Variants in APBA2 observed in about 807,000 individuals in gnomAD.
APBA2 encodes the protein amyloid beta precursor protein binding family A member 2.
Under a neutral mutation model 75.0 loss-of-function variants are expected in APBA2, and 30 were observed. That is an observed-to-expected ratio of 0.40 (90% CI 0.30 to 0.54). APBA2 has a LOEUF of 0.54. Among genes scored for constraint, APBA2 ranks in the 20% least tolerant of loss-of-function variants. The pLI, the probability that APBA2 is intolerant of heterozygous loss-of-function variation, is 0.49. For synonymous variants in APBA2, 444 were observed against 409.6 expected (o/e 1.08, Z -1.01); for missense variants, 801 against 1,016.1 (o/e 0.79, Z 2.88).
rs1172982230 is a variant in APBA2 at position 29,054,237 on chromosome 15, G to A, written c.353G>A (p.Gly118Glu). 6.2e-7 allele frequency: 1 copy of A among 1,614,160 alleles called. No individual in the cohort carries two copies. Among genetic ancestry groups the A allele is most frequent in the Admixed American group, 1.7e-5 (1 of 60,026 alleles). ...DSYLEGMDCN[G>E]EEYLAHSAHP... is the part of the protein sequence containing the mutation. ...TACCTAGAGGGCATGGACTGCAACGGGGAGGAGTACCTGGCCCACAGTGCA... is the reference window on the plus strand; with the variant it reads ...TACCTAGAGGGCATGGACTGCAACGAGGAGGAGTACCTGGCCCACAGTGCA... The change falls in exon 4 of 15, where the codon GGG becomes GAG. Residue 118 changes from glycine (G) to glutamate (E), a missense_variant. Around this residue, in one of 2 missense-constraint regions of APBA2, gnomAD observed 434 missense variants for 471.6 expected, o/e 0.92. Coordinates refer to ENST00000683413, the MANE Select transcript of APBA2 (RefSeq NM_001353788.2). This position sits in a 1 kb window ranked among gnomAD's most constrained non-coding sequence, Gnocchi z 6.1.
At chr15:28,935,069 G>T (rs1006524295) in intron 2 of APBA2, among the ~76,000 whole-genome samples, 1 of 152,118 alleles carries the variant, frequency 6.6e-6, no homozygotes. Flanking sequence ...TGTTGTAAGA[G>T]AAAAAAGCAG....
chr15:28,899,542 C>T (rs954205945), intron 1 of APBA2, among the ~76,000 whole-genome samples: 7 of 152,212 alleles, frequency 4.6e-5, no homozygotes, highest in African/African-American at 1.7e-4. Context: ...GCGTTGCAGC[C>T]GGTTGGAGGC....
At chr15:29,090,539 C>G (rs1264452012) in intron 6 of APBA2, among the ~76,000 whole-genome samples, 2 of 152,212 alleles carry the variant, frequency 1.3e-5, no homozygotes. Flanking sequence ...GGGCTGGCCT[C>G]CCAGCCTCCC....
At chr15:28,903,114 A>G (rs908943325) in intron 1 of APBA2, among the ~76,000 whole-genome samples, 1 of 152,152 alleles carries the variant, frequency 6.6e-6, no homozygotes, top group African/African-American at 2.4e-5. Flanking sequence ...GGTGCCGGCC[A>G]GGTTCCATGG....
At chr15:28,940,286 G>T (rs1353824437) in intron 2 of APBA2, among the ~76,000 whole-genome samples, 1 of 149,198 alleles carries the variant, frequency 6.7e-6, no homozygotes, top group Non-Finnish European at 1.5e-5. Flanking sequence ...GCCGAGGCAG[G>T]TGGATCATGA....
chr15:29,055,584 T>A (rs921564175), intron 4 of APBA2, among the ~76,000 whole-genome samples: 12 of 152,170 alleles, frequency 7.9e-5, no homozygotes, highest in African/African-American at 2.9e-4. Context: ...GAACTTCTAT[T>A]TGGCCAATTA....
rs1293371768 is a variant in APBA2, at chr15:29,057,881, C to T, written c.951+3046C>T. ...GCCGTACATCAACGTTGACCATTTC[C>T]CCTCGATGACCTTGCCTAATTGTTT... On this transcript the variant is annotated intron_variant, in intron 4 of 14. Transcript: ENST00000683413. Among the ~76,000 whole-genome samples, 3 of 152,110 alleles carry T rather than the reference C, an allele frequency of 2.0e-5. No homozygotes were observed. The East Asian group carries it at 5.8e-4, about 29-fold the overall frequency.
At chr15:28,986,285 A>G (rs2037924167) in intron 2 of APBA2, among the ~76,000 whole-genome samples, 1 of 152,136 alleles carries the variant, frequency 6.6e-6, no homozygotes, top group South Asian at 2.1e-4. Context: ...GAGCCCATTC[A>G]GGTGTAGGAC....
chr15:29,000,565 GT>G (rs1320637708), intron 3 of APBA2, among the ~76,000 whole-genome samples: 1 of 152,032 alleles, frequency 6.6e-6, no homozygotes, highest in Non-Finnish European at 1.5e-5. Context: ...AGGTGCTTCT[GT>G]TTGTCTCTTC....
intron 4 of APBA2, among the ~76,000 whole-genome samples, chr15:29,062,696 C>T (rs2042182532): frequency 6.6e-6 from 1 of 152,178 alleles, no homozygotes; most frequent in South Asian, 2.1e-4. Flanking sequence ...GCATGTAAAG[C>T]TCTCCCACTA....
At chr15:29,103,556 C>G (rs542180784) in intron 10 of APBA2, among the ~76,000 whole-genome samples, 1 of 152,334 alleles carries the variant, frequency 6.6e-6, no homozygotes, top group African/African-American at 2.4e-5. Context: ...GGGGAGGCGG[C>G]GGCTGGCGGC....
At chr15:29,085,524 C>CAAAAAAA (rs777850421) in intron 6 of APBA2, among the ~76,000 whole-genome samples, 1 of 57,126 alleles carries the variant, frequency 1.8e-5, no homozygotes, top group Non-Finnish European at 4.2e-5. Flanking sequence ...GACTCCATCT[C>CAAAAAAA]AAAAAAAAAA....
intron 2 of APBA2, among the ~76,000 whole-genome samples, chr15:28,993,830 C>T (rs535536412): frequency 2.2e-4 from 34 of 152,270 alleles, no homozygotes; most frequent in Non-Finnish European, 4.7e-4. Flanking sequence ...CTCCGGGTTT[C>T]CTGAGGCGCT....
At chr15:29,112,018 C>A (rs1210669740) in intron 13 of APBA2, among the ~76,000 whole-genome samples, 2 of 152,210 alleles carry the variant, frequency 1.3e-5, no homozygotes, top group Non-Finnish European at 2.9e-5. Flanking sequence ...GGCCCTGCAG[C>A]AGTGGGGCGC....
intron 3 of APBA2, among the ~76,000 whole-genome samples, chr15:28,999,863 A>G (rs904476535): frequency 2.0e-5 from 3 of 152,160 alleles, no homozygotes; most frequent in Non-Finnish European, 2.9e-5. Flanking sequence ...AGACCCAGGG[A>G]AGCCAGTATT....
At chr15:28,935,253 G>A (rs560661798) in intron 2 of APBA2, among the ~76,000 whole-genome samples, 1 of 152,352 alleles carries the variant, frequency 6.6e-6, no homozygotes, top group Non-Finnish European at 1.5e-5. Flanking sequence ...TCCATCCGAT[G>A]CACCTCGTGG....
intron 14 of APBA2, among the ~76,000 whole-genome samples, chr15:29,116,034 G>C (rs12912330): frequency 0.69 from 104,098 of 151,348 alleles, 40,882 homozygotes; most frequent in Non-Finnish European, 0.88. Context: ...TCGTGCTCAG[G>C]AGAGGAGAAG....
At chr15:29,004,278 G>T (rs1595704706) in intron 3 of APBA2, among the ~76,000 whole-genome samples, 1 of 152,166 alleles carries the variant, frequency 6.6e-6, no homozygotes, top group Admixed American at 6.5e-5. Flanking sequence ...CTCAGTCTTG[G>T]AAGTGAAGGT....
intron 2 of APBA2, among the ~76,000 whole-genome samples, chr15:28,957,234 G>A (rs549399823): frequency 1.2e-4 from 16 of 130,788 alleles, no homozygotes; most frequent in African/African-American, 5.9e-4. Flanking sequence ...CACCGTGCCT[G>A]GCTAATTTTT....
Sources: allele counts gnomAD v4.1 joint callset (sites outside exome capture counted in the v4.1 genomes callset), GRCh38; gene constraint gnomAD v4.1.1; regional missense constraint gnomAD v4.1.1; non-coding constraint Gnocchi (gnomAD v3.1); transcripts MANE v1.5; gene names NCBI Gene and HGNC (gene_info 2026-07-23, HGNC 2026-07-21).